Variants in ARHGAP24 observed in about 807,000 individuals in gnomAD.
The protein encoded by ARHGAP24 is Rho GTPase activating protein 24.
A neutral mutation model predicts 76.4 loss-of-function variants in ARHGAP24; 50 were observed. The ratio of observed to expected loss-of-function variants is 0.65; its 90% CI spans 0.52 to 0.83. The LOEUF (loss-of-function observed/expected upper bound fraction) is 0.83, where lower values mean the gene tolerates loss of function less well. Among genes scored for constraint, ARHGAP24 ranks in the 40% least tolerant of loss-of-function variants. The probability of loss-of-function intolerance (pLI) is 0.00; values close to 1 mark genes in which losing one functional copy is unlikely to be tolerated. For synonymous variants in ARHGAP24, 345 were observed against 323.3 expected (o/e 1.07, Z -0.72); for missense variants, 930 against 914.2 (o/e 1.02, Z -0.22).
chr4:85,998,722 A>T (rs1323609534), intron 9 of ARHGAP24, among the ~76,000 whole-genome samples: 1 of 152,190 alleles, frequency 6.6e-6, no homozygotes, highest in Non-Finnish European at 1.5e-5. Flanking sequence ...GAGCTAATTC[A>T]ATTCTGATAC....
At chr4:85,550,510 G>T (rs139495928) in intron 1 of ARHGAP24, among the ~76,000 whole-genome samples, 166 of 152,124 alleles carry the variant, frequency 1.1e-3, no homozygotes, top group African/African-American at 3.9e-3. Context: ...TTTGCTTAAG[G>T]TTGTCTTGGC....
intron 2 of ARHGAP24, among the ~76,000 whole-genome samples, chr4:85,702,600 T>C (rs1222929497): frequency 2.0e-5 from 3 of 152,160 alleles, no homozygotes; most frequent in Non-Finnish European, 4.4e-5. Context: ...TCCCTTCAAT[T>C]TGATAAACTT....
intron 3 of ARHGAP24, among the ~76,000 whole-genome samples, chr4:85,873,974 G>C (rs1685325313): frequency 6.6e-6 from 1 of 152,048 alleles, no homozygotes; most frequent in African/African-American, 2.4e-5. Context: ...TTTTAAGATT[G>C]GATGATTAAA....
intron 2 of ARHGAP24, among the ~76,000 whole-genome samples, chr4:85,674,798 A>G (rs1722918204): frequency 6.6e-6 from 1 of 152,234 alleles, no homozygotes; most frequent in Non-Finnish European, 1.5e-5. Flanking sequence ...CATGACTCCT[A>G]TAACCATCTT....
chr4:85,865,721 T>A (rs1560681507), intron 3 of ARHGAP24, among the ~76,000 whole-genome samples: 1 of 151,598 alleles, frequency 6.6e-6, no homozygotes, highest in Non-Finnish European at 1.5e-5. Context: ...TAAGAAGAAT[T>A]ATTAATTTCA....
chr4:85,497,775 G>A (rs1293315948), intron 1 of ARHGAP24, among the ~76,000 whole-genome samples: 2 of 152,228 alleles, frequency 1.3e-5, no homozygotes, highest in African/African-American at 4.8e-5. Flanking sequence ...AGCCAAGATC[G>A]TGCCATTGCA....
At chr4:85,971,547 CAGTCTGTA>C (rs1305720587) in intron 5 of ARHGAP24, among the ~76,000 whole-genome samples, 1 of 152,118 alleles carries the variant, frequency 6.6e-6, no homozygotes, top group Admixed American at 6.5e-5. Flanking sequence ...TACAGGCCTA[CAGTCTGTA>C]ATAATCACAT....
chr4:86,000,455 CA>C, intron 9 of ARHGAP24, 23 bp from the exon 10 acceptor site: 1 of 633,300 alleles, frequency 1.6e-6, no homozygotes, highest in Non-Finnish European at 2.5e-6. Flanking sequence ...CCCCACCCCC[CA>C]CCCCCCCCAA....
intron 2 of ARHGAP24, among the ~76,000 whole-genome samples, chr4:85,572,434 C>T (rs546727326): frequency 2.0e-5 from 3 of 152,174 alleles, no homozygotes; most frequent in Non-Finnish European, 4.4e-5. Flanking sequence ...CATTCTCTGA[C>T]ATTTGCACAT....
At chr4:85,733,630 T>C (rs1018244600) in intron 3 of ARHGAP24, among the ~76,000 whole-genome samples, 3 of 152,124 alleles carry the variant, frequency 2.0e-5, no homozygotes, top group African/African-American at 7.2e-5. Flanking sequence ...CTCAGGATTC[T>C]GGAGGCTAGA....
chr4:85,985,365 G>A (rs1296957650), intron 8 of ARHGAP24, among the ~76,000 whole-genome samples: 2 of 152,114 alleles, frequency 1.3e-5, no homozygotes, highest in African/African-American at 4.8e-5. Context: ...ATTATACTCA[G>A]CAAATTAACA....
intron 3 of ARHGAP24, among the ~76,000 whole-genome samples, chr4:85,916,679 C>CA (rs1223366709): frequency 6.6e-6 from 1 of 152,094 alleles, no homozygotes; most frequent in Admixed American, 6.6e-5. Flanking sequence ...AATGAGGAAA[C>CA]AATTCACCCT....
intron 3 of ARHGAP24, among the ~76,000 whole-genome samples, chr4:85,833,492 AAAC>A (rs1488582068): frequency 6.6e-6 from 1 of 152,216 alleles, no homozygotes; most frequent in Non-Finnish European, 1.5e-5. Flanking sequence ...GGGAAAAAAA[AAAC>A]AACAACAACA....
intron 8 of ARHGAP24, among the ~76,000 whole-genome samples, chr4:85,989,342 T>TAGAA (rs879673522): frequency 1.3e-5 from 2 of 151,396 alleles, no homozygotes; most frequent in African/African-American, 4.8e-5. Context: ...CCCTCAAGAT[T>TAGAA]AGAAAGAAAG....
chr4:85,534,942 A>G (rs919031956), intron 1 of ARHGAP24, among the ~76,000 whole-genome samples: 3 of 151,224 alleles, frequency 2.0e-5, no homozygotes, highest in African/African-American at 7.3e-5. Context: ...AAAAAAAAAA[A>G]AAGAAAGAAA....
chr4:85,901,766 C>A (rs1419234166), intron 3 of ARHGAP24, among the ~76,000 whole-genome samples: 1 of 152,108 alleles, frequency 6.6e-6, no homozygotes, highest in East Asian at 1.9e-4. Context: ...GCTTTACTAA[C>A]CAGAAGAGAT....
chr4:85,916,721 G>A (rs1735425280), intron 3 of ARHGAP24, among the ~76,000 whole-genome samples: 1 of 152,144 alleles, frequency 6.6e-6, no homozygotes, highest in African/African-American at 2.4e-5. Context: ...AGTATTCACT[G>A]AAATGTCCTC....
intron 2 of ARHGAP24, among the ~76,000 whole-genome samples, chr4:85,649,644 T>C (rs1721860436): frequency 6.6e-6 from 1 of 152,150 alleles, no homozygotes; most frequent in South Asian, 2.1e-4. Context: ...GCTGTTGAGA[T>C]TTATTCTCAA....
chr4:85,989,588 G>C (rs1740203794), intron 8 of ARHGAP24, among the ~76,000 whole-genome samples: 1 of 151,596 alleles, frequency 6.6e-6, no homozygotes, highest in Non-Finnish European at 1.5e-5. Context: ...TATAAGAAAA[G>C]AGAAATACAG....
Sources: allele counts gnomAD v4.1 joint callset (sites outside exome capture counted in the v4.1 genomes callset), GRCh38; gene constraint gnomAD v4.1.1; transcripts MANE v1.5; gene names NCBI Gene and HGNC (gene_info 2026-07-23, HGNC 2026-07-21).